Variants in CEP126 observed in about 807,000 individuals in gnomAD.
The protein encoded by CEP126 is centrosomal protein 126.
Under a neutral mutation model 107.8 loss-of-function variants are expected in CEP126, and 74 were observed. That is an observed-to-expected ratio of 0.69 (90% CI 0.57 to 0.83). CEP126 has a LOEUF of 0.83. CEP126 is among the 40% of genes least tolerant of loss of function. The pLI is 0.00. For synonymous variants in CEP126, 449 were observed against 446.0 expected (o/e 1.01, Z -0.08); for missense variants, 1,237 against 1,281.9 (o/e 0.96, Z 0.53).
chr11:101,987,136 C>G, intron 9 of CEP126, 95 bp downstream of exon 9: 1 of 836,376 alleles, frequency 1.2e-6, no homozygotes, highest in Admixed American at 2.7e-5. Context: ...AAGAAAAATA[C>G]AAAATATATC....
intron 8 of CEP126, among the ~76,000 whole-genome samples, chr11:101,984,890 T>A (rs1941298220): frequency 6.6e-6 from 1 of 152,216 alleles, no homozygotes; most frequent in African/African-American, 2.4e-5. Flanking sequence ...AAATGTAACA[T>A]AATACCTAAG....
intron 2 of CEP126, among the ~76,000 whole-genome samples, chr11:101,923,690 C>T (rs1368740435): frequency 6.6e-6 from 1 of 152,130 alleles, no homozygotes; most frequent in Non-Finnish European, 1.5e-5. Context: ...TTTTCTCCTA[C>T]CTTTGGGCTC....
At position 101,961,897 on chromosome 11, in the gene CEP126, A is replaced by G. The variant is rs757650654; in HGVS notation, c.862A>G (p.Met288Val). The change falls in exon 6 of 11, where the codon ATG (methionine) becomes GTG (valine). Residue 288 changes from methionine to valine, a missense_variant. This residue lies in a region of CEP126 where 1,134 missense variants were observed against 1,150.5 expected (regional missense o/e 0.99). Transcript: ENST00000263468. ...RNTISLKPAN[M>V]QSTNLSCFDE... ...TACCATTTCCCTCAAACCAGCAAAT[A>G]TGCAATCAACTAATCTCAGCTGCTT... 6.2e-7 allele frequency: 1 copy of G among 1,613,292 alleles called. No individual in the cohort carries two copies. The highest frequency in any genetic ancestry group is 1.1e-5 in the South Asian group (1 of 90,936).
At position 101,949,860 on chromosome 11, in the gene CEP126, TAGA is replaced by T. The variant is rs147811519; in HGVS notation, c.506+1724_506+1726del. ...ACCTGAACTGAAAAGAGCTATACTG[TAGA>T]AGAAGGACGCTGGACAGGTCCTGTG... On this transcript the variant is annotated intron_variant, in intron 4 of 10. Transcript: ENST00000263468. Among the ~76,000 whole-genome samples, 8 of 152,164 alleles carry T rather than the reference TAGA, an allele frequency of 5.3e-5. No individual in the cohort carries two copies. In the East Asian group the frequency reaches 1.5e-3, roughly 29 times the overall value.
chr11:101,938,810 T>C (rs545292376), intron 2 of CEP126, among the ~76,000 whole-genome samples: 1 of 152,202 alleles, frequency 6.6e-6, no homozygotes, highest in South Asian at 2.1e-4. Context: ...TCTCTTTAGA[T>C]TTTTTTCTTT....
At chr11:101,957,654 A>G (rs1565359469) in intron 4 of CEP126, among the ~76,000 whole-genome samples, 1 of 151,082 alleles carries the variant, frequency 6.6e-6, no homozygotes. Flanking sequence ...CAAGTTCCCA[A>G]TGCTAGTTAA....
chr11:101,932,127 A>T (rs879311407), intron 2 of CEP126, among the ~76,000 whole-genome samples: 1 of 152,230 alleles, frequency 6.6e-6, no homozygotes, highest in East Asian at 1.9e-4. Context: ...TCTCATTTTT[A>T]TTGCCATTTC....
intron 4 of CEP126, among the ~76,000 whole-genome samples, chr11:101,951,405 G>T (rs1000937970): frequency 6.6e-6 from 1 of 152,048 alleles, no homozygotes; most frequent in Non-Finnish European, 1.5e-5. Flanking sequence ...CTAGCTACTC[G>T]AGGAGATGAG....
chr11:101,921,777 C>CTTTTTTT (rs747642967), intron 1 of CEP126, among the ~76,000 whole-genome samples: 102 of 55,012 alleles, frequency 1.9e-3, no homozygotes, highest in Non-Finnish European at 2.0e-3. Context: ...TTCATGATTT[C>CTTTTTTT]TTTTTTTTTT....
intron 4 of CEP126, chr11:101,956,592 C>T (rs1565359032): frequency 2.2e-6 from 1 of 456,358 alleles, no homozygotes; most frequent in Non-Finnish European, 4.4e-6. Context: ...TTTTCTTCCT[C>T]CTCATCTATT....
At position 101,944,362 on chromosome 11, in the gene CEP126, G is replaced by A. The variant is rs1199212536; in HGVS notation, c.346G>A (p.Glu116Lys). The A allele has an allele frequency of 3.7e-6, 6 of 1,611,816 alleles. No homozygotes were observed. Among genetic ancestry groups the A allele is most frequent in the Non-Finnish European group, 5.1e-6 (6 of 1,179,222 alleles). ...AAAACAGAAGTTTGAAGAAGTTACT[G>A]AAAAATTCCAGCGTGCCCATGTTCC... ...QRKQKFEEVT[E>K]KFQRAHVPLS... The change falls in exon 3 of 11, where the codon GAA (glutamate) becomes AAA (lysine). Residue 116 changes from glutamate to lysine, a missense_variant. By Grantham distance (56) the Glu-to-Lys change is moderately conservative (BLOSUM62 1). Transcript: ENST00000263468.
intron 4 of CEP126, among the ~76,000 whole-genome samples, chr11:101,954,278 G>T (rs547987024): frequency 3.3e-5 from 5 of 152,008 alleles, no homozygotes; most frequent in African/African-American, 1.2e-4. Flanking sequence ...CACCCGCCTC[G>T]GCCTCCCAAA....
chr11:101,958,745 T>C (rs958392968), intron 5 of CEP126, among the ~76,000 whole-genome samples: 1 of 152,222 alleles, frequency 6.6e-6, no homozygotes, highest in Non-Finnish European at 1.5e-5. Context: ...CAGCTGATTT[T>C]CCTACATGTC....
intron 3 of CEP126, among the ~76,000 whole-genome samples, chr11:101,947,049 G>T (rs1233679931): frequency 1.3e-5 from 2 of 152,134 alleles, no homozygotes; most frequent in Non-Finnish European, 1.5e-5. Flanking sequence ...GTTGATTAGG[G>T]AAATGGATTG....
chr11:101,933,647 T>A (rs1940532453), intron 2 of CEP126, among the ~76,000 whole-genome samples: 1 of 152,134 alleles, frequency 6.6e-6, no homozygotes, highest in Non-Finnish European at 1.5e-5. Context: ...TTATATGTAA[T>A]GACAAACTTA....
At chr11:101,938,375 CA>C (rs1237236201) in intron 2 of CEP126, among the ~76,000 whole-genome samples, 1 of 150,234 alleles carries the variant, frequency 6.7e-6, no homozygotes, top group Non-Finnish European at 1.5e-5. Flanking sequence ...TAACATTTTC[CA>C]AAGCAACTTG....
At chr11:101,956,435 G>A in intron 4 of CEP126, 2 of 456,420 alleles carry the variant, frequency 4.4e-6, no homozygotes, top group South Asian at 3.1e-5. Flanking sequence ...TGTTCCACAA[G>A]CCACAGCATT....
intron 4 of CEP126, among the ~76,000 whole-genome samples, chr11:101,954,191 C>A (rs898529531): frequency 6.6e-6 from 1 of 152,040 alleles, no homozygotes; most frequent in Non-Finnish European, 1.5e-5. Flanking sequence ...CCACACCCAG[C>A]TAATTTTTGT....
chr11:101,981,984 T>C lies in CEP126; in HGVS notation c.3034+20T>C, dbSNP rs753283117. On this transcript the variant is annotated intron_variant, in intron 8 of 10. Transcript: ENST00000263468. The stretch of plus-strand genomic sequence containing the variant: ...AAGAAGGTATGTTTTAGTTTAAACA[T>C]TTTTCTCTGATCTTTGTTCCCAGTG... 7.7e-7 allele frequency: 1 copy of C among 1,306,802 alleles called. No individual in the cohort carries two copies. Among genetic ancestry groups the C allele is most frequent in the East Asian group, 2.3e-5 (1 of 42,558 alleles). The allele number at this position is 1,306,802 out of a possible 1,614,324, so 81.0% of individuals were successfully genotyped here.
Sources: allele counts gnomAD v4.1 joint callset (sites outside exome capture counted in the v4.1 genomes callset), GRCh38; gene constraint gnomAD v4.1.1; regional missense constraint gnomAD v4.1.1; transcripts MANE v1.5; gene names NCBI Gene and HGNC (gene_info 2026-07-23, HGNC 2026-07-21).